ADAMTSL2: variants seen among roughly 807,000 people sequenced by gnomAD.
The protein encoded by ADAMTSL2 is ADAMTS like 2, also known as ADAMTS-like protein 2.
Under a neutral mutation model 117.0 loss-of-function variants are expected in ADAMTSL2, and 55 were observed. The ratio of observed to expected loss-of-function variants is 0.47; its 90% CI spans 0.38 to 0.59. The LOEUF (loss-of-function observed/expected upper bound fraction) is 0.59. Among genes scored for constraint, ADAMTSL2 ranks in the 20% least tolerant of loss-of-function variants. The probability of loss-of-function intolerance (pLI) is 0.00; values close to 1 mark genes in which losing one functional copy is unlikely to be tolerated. For synonymous variants in ADAMTSL2, 572 were observed against 566.4 expected (o/e 1.01, Z -0.14); for missense variants, 1,182 against 1,354.5 (o/e 0.87, Z 2.00).
At position 133,574,838 on chromosome 9, in the gene ADAMTSL2, C is replaced by T; in HGVS notation, c.2830C>T (p.Arg944Cys). Residue 944 changes from arginine (R) to cysteine (C), a missense_variant, in exon 19 of 19, where the codon CGC becomes TGC. Physicochemically the swap from Arg to Cys is radical, Grantham distance 180. Transcript: ENST00000651351. ...CTGGTACTACAGCAAGGCGTGCTGCCGCTCCTGCAGGCCCCCCCACTCCTA... is the reference window on the plus strand; with the variant it reads ...CTGGTACTACAGCAAGGCGTGCTGCTGCTCCTGCAGGCCCCCCCACTCCTA... ...GHWYYSKACC[R>C]SCRPPHS 14 of 1,613,424 alleles carry T rather than the reference C, an allele frequency of 8.7e-6. No individual in the cohort carries two copies. The highest frequency in any genetic ancestry group is 1.6e-4 in the Middle Eastern group (1 of 6,062).
At position 133,569,544 on chromosome 9, in the gene ADAMTSL2, G is replaced by T; in HGVS notation, c.2381G>T (p.Cys794Phe). 1 of 1,596,730 alleles carries T rather than the reference G, an allele frequency of 6.3e-7. No individual in the cohort carries two copies. Among genetic ancestry groups the T allele is most frequent in the Non-Finnish European group, 8.5e-7 (1 of 1,171,186 alleles). The change falls in exon 16 of 19, where the codon TGT (cysteine) becomes TTT (phenylalanine). Residue 794 changes from cysteine (C) to phenylalanine (F), a missense_variant. Physicochemically the swap from Cys to Phe is radical, Grantham distance 205. This residue lies in a region of ADAMTSL2 where 465 missense variants were observed against 565.3 expected (regional missense o/e 0.82). Transcript: ENST00000651351. ...LAIHPCGDKN[C>F]PAHWLAQDWE... Reference sequence around the variant, plus strand: ...ATCCACCCCTGTGGGGACAAAAACTGTCCCGCCCACTGGCTGGCCCAGGAC... The same window carrying T: ...ATCCACCCCTGTGGGGACAAAAACTTTCCCGCCCACTGGCTGGCCCAGGAC...
intron 13 of ADAMTSL2, among the ~76,000 whole-genome samples, chr9:133,567,770 T>C (rs1259904909): frequency 3.9e-5 from 6 of 152,208 alleles, no homozygotes; most frequent in Admixed American, 3.3e-4. Context: ...CAGCAGGCCC[T>C]GTCCTTCCCC....
At position 133,561,126 on chromosome 9, in the gene ADAMTSL2, G is replaced by T. The variant is rs910115774; in HGVS notation, c.1650-72G>T. ...CATACCCTCCGAAGAAAACTCCCTC[G>T]CCTGAAAAGCCGGAGCCTGCCGGTG... On this transcript the variant is annotated intron_variant, in intron 11 of 18. Transcript: ENST00000651351. The T allele has an allele frequency of 1.0e-5, 14 of 1,342,076 alleles. No homozygotes were observed. In the Admixed American group the frequency reaches 2.4e-4, roughly 23 times the overall value. 83.1% of individuals were successfully genotyped at this position (1,342,076 alleles called of 1,614,324 possible). A position where few individuals can be genotyped will look rare whatever the true frequency, so the allele number is the denominator to read the frequency against.
chr9:133,546,004 T>C (rs950667624), intron 8 of ADAMTSL2, among the ~76,000 whole-genome samples: 2 of 152,140 alleles, frequency 1.3e-5, no homozygotes, highest in African/African-American at 2.4e-5. Flanking sequence ...CCTCTGTTCA[T>C]ATTGCATCAG....
chr9:133,567,250 T>A lies in ADAMTSL2; in HGVS notation c.1874+188T>A, dbSNP rs1006801432. 2.5e-3 allele frequency among the ~76,000 whole-genome samples: 375 copies of A among 152,342 alleles called. 3 individuals are homozygous for A. The highest frequency in any genetic ancestry group is 8.4e-3 in the African/African-American group (350 of 41,568). On this transcript the variant is annotated intron_variant, in intron 13 of 18. Transcript: ENST00000651351. ...TTCTGGGTCTTCCCAGGAGTTGCAA[T>A]TTAATCTGTCACTGTGCCTCGTAGA...
In ADAMTSL2 at chr9:133,574,728, T is replaced by C; in HGVS notation, c.2738-18T>C. 6.2e-7 allele frequency: 1 copy of C among 1,610,166 alleles called. No individual in the cohort carries two copies. Among genetic ancestry groups the C allele is most frequent in the Non-Finnish European group, 8.5e-7 (1 of 1,176,920 alleles). The stretch of plus-strand genomic sequence containing the variant: ...ACCTCCTGAAACTGCCCTGCTTCGC[T>C]CTGTGTTCCTTCTCCAGATGACAGC... On this transcript the variant is annotated intron_variant, in intron 18 of 18. Transcript: ENST00000651351.
At chr9:133,537,686 C>G in intron 3 of ADAMTSL2, 139 bp downstream of exon 3, 1 of 1,023,338 alleles carries the variant, frequency 9.8e-7, no homozygotes. Flanking sequence ...GCTGAGTCCC[C>G]CCATCAGCCT....
At chr9:133,535,033 TGG>T (rs961576579) in intron 1 of ADAMTSL2, 116 bp downstream of exon 1, 1 of 1,283,520 alleles carries the variant, frequency 7.8e-7, no homozygotes, top group East Asian at 3.2e-5. Flanking sequence ...TTACATAACG[TGG>T]GGAGGCTTGT....
chr9:133,567,226 T>C (rs1402553447), intron 13 of ADAMTSL2, among the ~76,000 whole-genome samples, 164 bp downstream of exon 13: 1 of 152,208 alleles, frequency 6.6e-6, no homozygotes, highest in African/African-American at 2.4e-5. Flanking sequence ...TCAGAGACCT[T>C]CTGGGTCTTC....
At chr9:133,574,012 G>C in intron 18 of ADAMTSL2, 25 bp downstream of exon 18, 1 of 1,602,846 alleles carries the variant, frequency 6.2e-7, no homozygotes, top group South Asian at 1.1e-5. Context: ...GGCCGAGGGT[G>C]GCTCTGGGAA....
rs992041050 is a variant in ADAMTSL2 at position 133,557,493 on chromosome 9, C to A, written c.1649+1563C>A. ...GGGCCTGTGGCTGGTTCTCAGGACT[C>A]GGGCGGGGAGGGCCGGGCCTTGCTT... On this transcript the variant is annotated intron_variant, in intron 11 of 18. Coordinates refer to ENST00000651351, the MANE Select transcript of ADAMTSL2 (RefSeq NM_014694.4). The surrounding 1 kb of genome is among the most constrained non-coding windows in gnomAD (Gnocchi z 5.2). 1.3e-5 allele frequency among the ~76,000 whole-genome samples: 2 copies of A among 151,862 alleles called. No homozygotes were observed. The highest frequency in any genetic ancestry group is 4.8e-5 in the African/African-American group (2 of 41,310).
At chr9:133,571,875 A>G (rs1299835709) in intron 17 of ADAMTSL2, among the ~76,000 whole-genome samples, 1 of 151,960 alleles carries the variant, frequency 6.6e-6, no homozygotes, top group Non-Finnish European at 1.5e-5. Context: ...AACTCTGAAT[A>G]CCCAGGCGAC....
chr9:133,539,949 C>G (rs901152070), intron 5 of ADAMTSL2, 76 bp downstream of exon 5: 71 of 1,357,732 alleles, frequency 5.2e-5, no homozygotes, highest in Non-Finnish European at 7.3e-5. Flanking sequence ...CACCTGGGAC[C>G]AAACTCGACG....
intron 17 of ADAMTSL2, among the ~76,000 whole-genome samples, chr9:133,571,467 C>A (rs368312346): frequency 0.012 from 1,857 of 152,280 alleles, 41 homozygotes; most frequent in African/African-American, 0.042. Flanking sequence ...GCCCCCTCGC[C>A]CCCAGTTGTC....
upstream of ADAMTSL2, among the ~76,000 whole-genome samples, chr9:133,532,789 T>G (rs1588270267): frequency 6.6e-6 from 1 of 150,386 alleles, no homozygotes. Flanking sequence ...GGGGTGGGGG[T>G]GGTGTGGAAG....
rs1317099909 is a variant in ADAMTSL2 at position 133,568,902 on chromosome 9, T to C, written c.2244+144T>C. The stretch of plus-strand genomic sequence containing the variant: ...CAACCAGCCTTCTCCCATGTTATTA[T>C]AGGAATCAAAACTTCTCTCCAAACA... On this transcript the variant is annotated intron_variant, in intron 15 of 18. Transcript: ENST00000651351. 10 of 1,143,802 alleles carry C rather than the reference T, an allele frequency of 8.7e-6. 1 individual carries two copies. In the South Asian group the frequency reaches 1.2e-4, roughly 14 times the overall value. 70.9% of individuals were successfully genotyped at this position (1,143,802 alleles called of 1,614,324 possible). A position where few individuals can be genotyped will look rare whatever the true frequency, so the allele number is the denominator to read the frequency against.
rs886063639 is a variant in ADAMTSL2, at chr9:133,554,615, G to A, written c.1198G>A (p.Gly400Ser). ...GLDMELGPSQ[G>S]QETNEVCEQA... ...GGACATGGAGCTGGGCCCCAGCCAG[G>A]GCCAGGAGACCAACGAGGTGTGCGA... The change falls in exon 10 of 19, where the codon GGC (glycine) becomes AGC (serine). Residue 400 changes from glycine (G) to serine (S), a missense_variant. Around this residue, in one of 3 missense-constraint regions of ADAMTSL2, gnomAD observed 345 missense variants for 325.8 expected, o/e 1.06. Coordinates refer to ENST00000651351, the MANE Select transcript of ADAMTSL2 (RefSeq NM_014694.4). This position sits in a 1 kb window ranked among gnomAD's most constrained non-coding sequence, Gnocchi z 5.2. The A allele has an allele frequency of 1.7e-4, 256 of 1,547,048 alleles. No homozygotes were observed. Among genetic ancestry groups the A allele is most frequent in the Non-Finnish European group, 2.1e-4 (244 of 1,145,798 alleles).
At chr9:133,570,705 C>T (rs1031969085) in intron 17 of ADAMTSL2, among the ~76,000 whole-genome samples, 198 bp downstream of exon 17, 1 of 152,244 alleles carries the variant, frequency 6.6e-6, no homozygotes, top group South Asian at 2.1e-4. Flanking sequence ...AGGAAGCCTT[C>T]TCTGATCTTG....
rs145758425 is a variant in ADAMTSL2 at position 133,540,623 on chromosome 9, A to G, written c.438A>G (p.Lys146=). The G allele has an allele frequency of 1.4e-5, 22 of 1,613,392 alleles. No homozygotes were observed. The highest frequency in any genetic ancestry group is 8.5e-7 in the Non-Finnish European group (1 of 1,180,010). The change falls in exon 6 of 19, where the codon AAA becomes AAG. Residue 146 remains lysine (K), a synonymous_variant. Transcript: ENST00000651351. ...YPDDYVHISS[K]PCDLHCTTVD... The stretch of plus-strand genomic sequence containing the variant: ...ATGACTATGTCCACATCTCCAGCAA[A>G]CCGTGTGACCTGCACTGTACCACCG...
Sources: allele counts gnomAD v4.1 joint callset (sites outside exome capture counted in the v4.1 genomes callset), GRCh38; gene constraint gnomAD v4.1.1; regional missense constraint gnomAD v4.1.1; non-coding constraint Gnocchi (gnomAD v3.1); transcripts MANE v1.5; gene names NCBI Gene and HGNC (gene_info 2026-07-23, HGNC 2026-07-21).